Variants in ZXDC observed in about 807,000 individuals in gnomAD.
ZXDC encodes the protein zinc finger protein ZXDC.
A neutral mutation model predicts 63.6 loss-of-function variants in ZXDC; 58 were observed. The ratio of observed to expected loss-of-function variants is 0.91; its 90% CI spans 0.74 to 1.13. The LOEUF (loss-of-function observed/expected upper bound fraction) is 1.13. Among genes scored for constraint, ZXDC ranks in the 50% most tolerant of loss-of-function variants. The pLI is 0.00. For synonymous variants in ZXDC, 561 were observed against 496.1 expected, an observed-to-expected ratio of 1.13 and a Z score of -1.74; for missense variants, 1,133 against 1,148.9, an observed-to-expected ratio of 0.99 and a Z score of 0.20.
Position 126,441,310 on chromosome 3 carries a change from C to T in ZXDC, c.2394+455G>A, listed in dbSNP as rs1933667464. ...CTGAAAAGACCCCCACCACCTTCAG[C>T]ATAGAAAGGCTGCTAGTGCGCCACA... On this transcript the variant is annotated intron_variant, in intron 8 of 9. Coordinates refer to ENST00000389709, the MANE Select transcript of ZXDC (RefSeq NM_025112.5). 8 of 996,166 alleles carry T rather than the reference C, an allele frequency of 8.0e-6. No individual in the cohort carries two copies. In the South Asian group the frequency reaches 3.3e-4, roughly 41 times the overall value. The allele number at this position is 996,166 out of a possible 1,614,324, so 61.7% of individuals were successfully genotyped here.
intron 7 of ZXDC, chr3:126,453,938 T>C: frequency 6.1e-6 from 6 of 984,086 alleles, no homozygotes; most frequent in Non-Finnish European, 7.2e-6. Flanking sequence ...ATTTAACATA[T>C]TATGATCAGA....
chr3:126,460,032 C>T, intron 6 of ZXDC: 1 of 985,434 alleles, frequency 1.0e-6, no homozygotes, highest in Non-Finnish European at 1.2e-6. Context: ...CAATTACATA[C>T]TTCTCTGCTT....
At position 126,455,459 on chromosome 3, in the gene ZXDC, C is replaced by A. The variant is rs1401144645; in HGVS notation, c.2212+4194G>T. 3.3e-5 allele frequency among the ~76,000 whole-genome samples: 5 copies of A among 152,232 alleles called. No homozygotes were observed. The East Asian group carries it at 9.7e-4, about 29-fold the overall frequency. On this transcript the variant is annotated intron_variant, in intron 7 of 9. Coordinates refer to ENST00000389709, the MANE Select transcript of ZXDC (RefSeq NM_025112.5). Reference sequence around the variant, plus strand: ...CTGCATGTTGGATTCTATATACCATCCTCTAACAAAAGAAACCAGGGCTCT... The same window carrying A: ...CTGCATGTTGGATTCTATATACCATACTCTAACAAAAGAAACCAGGGCTCT...
chr3:126,438,227 T>C lies in ZXDC; in HGVS notation c.*148A>G, dbSNP rs1933535800. The C allele has an allele frequency of 2.9e-6, 2 of 694,562 alleles. No homozygotes were observed. Among genetic ancestry groups the C allele is most frequent in the Non-Finnish European group, 5.1e-6 (2 of 395,744 alleles). 43.0% of individuals were successfully genotyped at this position (694,562 alleles called of 1,614,324 possible). A position where few individuals can be genotyped will look rare whatever the true frequency, so the allele number is the denominator to read the frequency against. ...TCCTGGTAAAACAAAAGGAAAACAT[T>C]TTTGATAAATGTACCCAAAAGTCTC... On this transcript the variant is annotated 3_prime_UTR_variant, in exon 10 of 10. Coordinates refer to ENST00000389709, the MANE Select transcript of ZXDC (RefSeq NM_025112.5).
At chr3:126,452,364 T>C in intron 7 of ZXDC, 3 of 985,422 alleles carry the variant, frequency 3.0e-6, no homozygotes, top group Non-Finnish European at 2.4e-6. Context: ...TTCTCTTTCC[T>C]TCATCCCACG....
intron 7 of ZXDC, chr3:126,450,341 C>T: frequency 2.2e-6 from 1 of 456,752 alleles, no homozygotes; most frequent in South Asian, 1.5e-5. Flanking sequence ...ACAGCTCCCA[C>T]TTCGGCAAGT....
intron 7 of ZXDC, among the ~76,000 whole-genome samples, chr3:126,458,007 C>A (rs989804537): frequency 6.6e-6 from 1 of 152,190 alleles, no homozygotes; most frequent in Admixed American, 6.5e-5. Flanking sequence ...CCAGGCAAGA[C>A]CTAGCAGAGA....
chr3:126,474,062 C>CTTT (rs796761643), intron 1 of ZXDC, among the ~76,000 whole-genome samples: 8 of 129,882 alleles, frequency 6.2e-5, no homozygotes, highest in Non-Finnish European at 8.1e-5. Context: ...AGGCAGTGGA[C>CTTT]TTTTTTTTTT....
chr3:126,440,762 C>G, intron 8 of ZXDC: 1 of 986,250 alleles, frequency 1.0e-6, no homozygotes, highest in Non-Finnish European at 1.2e-6. Flanking sequence ...CCAACCAGCA[C>G]AGGGCCACCC....
intron 5 of ZXDC, 22 bp from the exon 6 acceptor site, chr3:126,462,242 T>G: frequency 6.4e-7 from 1 of 1,567,320 alleles, no homozygotes; most frequent in Non-Finnish European, 8.6e-7. Flanking sequence ...AGGAATACAC[T>G]CTGGTTACTT....
At chr3:126,453,046 T>A (rs948650121) in intron 7 of ZXDC, 4 of 985,296 alleles carry the variant, frequency 4.1e-6, no homozygotes, top group African/African-American at 1.7e-5. Flanking sequence ...CTTGTCAGAT[T>A]TTTCATGGGA....
In ZXDC at chr3:126,472,226, G is replaced by A. The variant is rs780913596; in HGVS notation, c.987C>T (p.Ser329=). 2 of 1,613,658 alleles carry A rather than the reference G, an allele frequency of 1.2e-6. No homozygotes were observed. The highest frequency in any genetic ancestry group is 1.7e-6 in the Non-Finnish European group (2 of 1,179,532). ...RAHFREQELF[S]CSFPGCSKQY... ...GCTTGCTGCACCCAGGAAAGGAGCA[G>A]GAAAAGAGCTCTTGTTCCCTGAAGT... The change falls in exon 2 of 10, where the codon TCC becomes TCT. Residue 329 remains serine, a synonymous_variant. Coordinates refer to ENST00000389709, the MANE Select transcript of ZXDC (RefSeq NM_025112.5).
At chr3:126,456,095 A>C (rs1377854481) in intron 7 of ZXDC, among the ~76,000 whole-genome samples, 1 of 152,256 alleles carries the variant, frequency 6.6e-6, no homozygotes, top group Non-Finnish European at 1.5e-5. Context: ...TAAAATTAAT[A>C]AGTACACAAG....
chr3:126,451,480 A>G (rs1934097344), intron 7 of ZXDC: 1 of 985,294 alleles, frequency 1.0e-6, no homozygotes, highest in African/African-American at 1.7e-5. Context: ...TAATTGTAAG[A>G]CTGAATATTA....
intron 4 of ZXDC, 117 bp from the exon 5 acceptor site, chr3:126,466,442 G>T: frequency 1.8e-6 from 2 of 1,110,970 alleles, no homozygotes; most frequent in Non-Finnish European, 2.6e-6. Flanking sequence ...CTGGCTACTG[G>T]CAAGGACAGA....
chr3:126,446,596 C>T (rs750487293), intron 7 of ZXDC, among the ~76,000 whole-genome samples: 3 of 152,118 alleles, frequency 2.0e-5, no homozygotes, highest in Non-Finnish European at 2.9e-5. Flanking sequence ...GGGGGTCATG[C>T]GAGCTTCCTC....
At chr3:126,444,372 A>C (rs1181541524) in intron 7 of ZXDC, among the ~76,000 whole-genome samples, 1 of 152,136 alleles carries the variant, frequency 6.6e-6, no homozygotes, top group African/African-American at 2.4e-5. Context: ...CTCTACTAAA[A>C]ATACAAAAAA....
chr3:126,462,369 C>T, intron 5 of ZXDC, 149 bp from the exon 6 acceptor site: 1 of 1,373,404 alleles, frequency 7.3e-7, no homozygotes, highest in South Asian at 1.6e-5. Flanking sequence ...ACGACAGAGT[C>T]CCATGGCCGG....
chr3:126,472,364 A>C, intron 1 of ZXDC, 59 bp from the exon 2 acceptor site: 1 of 1,579,246 alleles, frequency 6.3e-7, no homozygotes, highest in South Asian at 1.1e-5. Context: ...CAACATAGCT[A>C]ATGCTAGTCA....
Sources: gnomAD v4.1 joint callset for allele counts (sites outside exome capture counted in the v4.1 genomes callset) on GRCh38, gnomAD v4.1.1 for gene constraint, MANE v1.5 for transcripts, NCBI Gene and HGNC (gene_info 2026-07-23, HGNC 2026-07-21) for gene names.